The following KLHL32 variants were observed in gnomAD, a reference collection of about 807,000 sequenced individuals.
The protein encoded by KLHL32 is kelch like family member 32.
In KLHL32, 35 loss-of-function variants were observed where a neutral mutation model predicts 64.8. That is an observed-to-expected ratio of 0.54 (90% CI 0.41 to 0.72). The LOEUF is 0.72. Ranked by LOEUF, KLHL32 falls within the 30% of genes least tolerant of loss-of-function variation. The probability of loss-of-function intolerance (pLI) is 0.00; values close to 1 mark genes in which losing one functional copy is unlikely to be tolerated. For missense variants in KLHL32, 589 were observed against 768.5 expected, an observed-to-expected ratio of 0.77 and a Z score of 2.76; for synonymous variants, 259 against 281.0, an observed-to-expected ratio of 0.92 and a Z score of 0.78.
chr6:97,074,867 A>T (rs1261354285), intron 5 of KLHL32, among the ~76,000 whole-genome samples: 1 of 150,656 alleles, frequency 6.6e-6, no homozygotes, highest in Non-Finnish European at 1.5e-5. Flanking sequence ...ATTAAAAGAA[A>T]ATATATATAT....
intron 8 of KLHL32, 86 bp downstream of exon 8, chr6:97,127,548 T>TAC (rs1334779427): frequency 9.8e-7 from 1 of 1,018,232 alleles, no homozygotes; most frequent in South Asian, 1.3e-5. Context: ...ATGCCAAGTG[T>TAC]ACACACACAG....
At chr6:97,048,090 A>G (rs1786216438) in intron 4 of KLHL32, among the ~76,000 whole-genome samples, 2 of 152,194 alleles carry the variant, frequency 1.3e-5, no homozygotes, top group South Asian at 2.1e-4. Flanking sequence ...TAATTTCCGG[A>G]GAGCTCTCCT....
intron 9 of KLHL32, 105 bp downstream of exon 9, chr6:97,131,054 G>A (rs1032136630): frequency 6.5e-5 from 61 of 935,968 alleles, no homozygotes; most frequent in Non-Finnish European, 1.1e-5. Flanking sequence ...GTGCATAGTT[G>A]TAGAAGAACC....
At chr6:97,050,770 A>G (rs1036138251) in intron 4 of KLHL32, among the ~76,000 whole-genome samples, 2 of 152,174 alleles carry the variant, frequency 1.3e-5, no homozygotes, top group African/African-American at 4.8e-5. Flanking sequence ...TGGGAGGCCG[A>G]GGTGGGCAGA....
intron 1 of KLHL32, among the ~76,000 whole-genome samples, chr6:96,950,637 T>TAACC (rs1772463027): frequency 6.6e-6 from 1 of 152,002 alleles, no homozygotes; most frequent in Admixed American, 6.6e-5. Context: ...AATGAGTGAA[T>TAACC]GGTTAGTGAA....
rs1445830465 is a variant in KLHL32 at position 97,057,471 on chromosome 6, C to T, written c.313-7157C>T. On this transcript the variant is annotated intron_variant, in intron 4 of 10. Transcript: ENST00000369261. ...TGCTGGGATTACAGGCGTGAGCCAC[C>T]GCGCCCGGCCGAGTATCTTTTTATA... Among the ~76,000 whole-genome samples the T allele has an allele frequency of 4.5e-5, 4 of 89,138 alleles. 1 individual carries two copies. Among genetic ancestry groups the T allele is most frequent in the African/African-American group, 2.9e-4 (4 of 13,908 alleles). 58.5% of individuals were successfully genotyped at this position (89,138 alleles called of 152,430 possible).
intron 7 of KLHL32, among the ~76,000 whole-genome samples, chr6:97,126,480 A>G (rs544472654): frequency 2.6e-5 from 4 of 152,198 alleles, no homozygotes; most frequent in African/African-American, 7.2e-5. Context: ...CTTAGCTGGA[A>G]GTGTGATGAT....
At chr6:97,129,388 G>T (rs1318761340) in intron 8 of KLHL32, among the ~76,000 whole-genome samples, 1 of 151,962 alleles carries the variant, frequency 6.6e-6, no homozygotes, top group African/African-American at 2.4e-5. Flanking sequence ...AAACTGTTAG[G>T]GTTATTTACC....
At chr6:96,925,143 A>G (rs1392479368) in intron 1 of KLHL32, 117 bp downstream of exon 1, 2 of 152,342 alleles carry the variant, frequency 1.3e-5, no homozygotes, top group South Asian at 2.1e-4. Flanking sequence ...CTTGCAGCCC[A>G]TGCAGCCTCT....
intron 3 of KLHL32, among the ~76,000 whole-genome samples, chr6:97,041,198 G>C (rs1193959584): frequency 1.3e-5 from 2 of 152,172 alleles, no homozygotes; most frequent in African/African-American, 4.8e-5. Context: ...CCAGGACCAA[G>C]AGAAAGCGTT....
upstream of KLHL32, among the ~76,000 whole-genome samples, chr6:96,920,230 A>G (rs955454369): frequency 2.0e-5 from 3 of 152,202 alleles, no homozygotes; most frequent in African/African-American, 7.2e-5. Flanking sequence ...CATCACAGAC[A>G]CCATCCTCTA....
At chr6:97,020,337 G>T (rs1206099) in intron 3 of KLHL32, among the ~76,000 whole-genome samples, 14,044 of 150,790 alleles carry the variant, frequency 0.093, 964 homozygotes, top group Non-Finnish European at 0.12. Flanking sequence ...AATGAAAAAA[G>T]GTGTTATCTA....
intron 1 of KLHL32, among the ~76,000 whole-genome samples, chr6:96,945,047 C>T (rs1483965888): frequency 6.6e-6 from 1 of 152,110 alleles, no homozygotes; most frequent in Non-Finnish European, 1.5e-5. Flanking sequence ...TGAGATAATT[C>T]CAATGTGCTG....
chr6:96,911,217 C>A, the KLHL32 span, among the ~76,000 whole-genome samples: 1 of 152,168 alleles, frequency 6.6e-6, no homozygotes, highest in Non-Finnish European at 1.5e-5. Flanking sequence ...TTATGAGTTG[C>A]TGACTGCAAA....
At chr6:97,019,943 CG>C (rs1280835438) in intron 3 of KLHL32, among the ~76,000 whole-genome samples, 4 of 102,054 alleles carry the variant, frequency 3.9e-5, no homozygotes, top group Non-Finnish European at 5.4e-5. Context: ...CCACTCCCGG[CG>C]AATTTTTTTT....
chr6:97,036,917 C>A, intron 3 of KLHL32, among the ~76,000 whole-genome samples: 1 of 152,336 alleles, frequency 6.6e-6, no homozygotes, highest in Admixed American at 6.5e-5. Flanking sequence ...CTGCTCTTTT[C>A]CCCTATGGGG....
chr6:96,958,349 A>G (rs1359558636), intron 1 of KLHL32, among the ~76,000 whole-genome samples: 3 of 152,120 alleles, frequency 2.0e-5, no homozygotes, highest in Non-Finnish European at 4.4e-5. Context: ...ACCTGGGAGG[A>G]TCAGGGAGGG....
intron 3 of KLHL32, among the ~76,000 whole-genome samples, chr6:97,035,704 T>G (rs1347652607): frequency 6.6e-6 from 1 of 152,162 alleles, no homozygotes; most frequent in Non-Finnish European, 1.5e-5. Flanking sequence ...CACTGATGTC[T>G]TATGGAGGTG....
intron 10 of KLHL32, among the ~76,000 whole-genome samples, chr6:97,137,435 C>T (rs971900572): frequency 2.0e-5 from 3 of 152,250 alleles, no homozygotes; most frequent in East Asian, 3.9e-4. Context: ...TTTGTTCTTT[C>T]TTTTATTCTA....
Sources: allele counts gnomAD v4.1 joint callset (sites outside exome capture counted in the v4.1 genomes callset), GRCh38; gene constraint gnomAD v4.1.1; transcripts MANE v1.5; gene names NCBI Gene and HGNC (gene_info 2026-07-23, HGNC 2026-07-21).